Variants in MS4A13 observed in about 807,000 individuals in gnomAD.
MS4A13 encodes the protein membrane-spanning 4-domains subfamily A member 13.
In MS4A13, 21 loss-of-function variants were observed where a neutral mutation model predicts 18.4. That is an observed-to-expected ratio of 1.14 (90% confidence interval 0.81 to 1.64). The LOEUF (loss-of-function observed/expected upper bound fraction) is 1.64, where lower values mean the gene tolerates loss of function less well. Among genes scored for constraint, MS4A13 ranks in the 40% most tolerant of loss-of-function variants. MS4A13 has a pLI of 0.00. For missense variants in MS4A13, 173 were observed against 176.8 expected (o/e 0.98, Z 0.12); for synonymous variants, 62 against 57.2 (o/e 1.08, Z -0.38).
chr11:60,522,473 C>A (rs1213559639), intron 3 of MS4A13, among the ~76,000 whole-genome samples: 4 of 151,812 alleles, frequency 2.6e-5, no homozygotes, highest in East Asian at 1.9e-4. Flanking sequence ...GGTTGGATAG[C>A]AATAATGAGC....
At chr11:60,526,285 C>T (rs1254249817) in intron 5 of MS4A13, among the ~76,000 whole-genome samples, 2 of 152,128 alleles carry the variant, frequency 1.3e-5, no homozygotes, top group Non-Finnish European at 2.9e-5. Flanking sequence ...AGAAAATTGT[C>T]CAGTTGCCCT....
At chr11:60,542,260 A>C (rs1424201869) in intron 6 of MS4A13, among the ~76,000 whole-genome samples, 1 of 151,390 alleles carries the variant, frequency 6.6e-6, no homozygotes, top group African/African-American at 2.4e-5. Flanking sequence ...AAGAGAAAGA[A>C]AGAAAGAAAA....
intron 6 of MS4A13, among the ~76,000 whole-genome samples, chr11:60,531,851 T>G (rs2086769385): frequency 6.6e-6 from 1 of 152,188 alleles, no homozygotes; most frequent in Non-Finnish European, 1.5e-5. Flanking sequence ...TATAACTTCA[T>G]TGCCAGTTAA....
At chr11:60,533,338 G>A (rs1367308950) in intron 6 of MS4A13, among the ~76,000 whole-genome samples, 2 of 118,718 alleles carry the variant, frequency 1.7e-5, no homozygotes, top group Admixed American at 9.7e-5. Flanking sequence ...GGAGCTGATG[G>A]AGCTGAAAAC....
At chr11:60,539,891 C>T (rs891945774) in intron 6 of MS4A13, among the ~76,000 whole-genome samples, 3 of 152,242 alleles carry the variant, frequency 2.0e-5, no homozygotes, top group South Asian at 4.1e-4. Context: ...GAAATACAGA[C>T]ATACACAGAT....
At chr11:60,518,461 C>T (rs1242856086) in intron 3 of MS4A13, among the ~76,000 whole-genome samples, 2 of 152,006 alleles carry the variant, frequency 1.3e-5, no homozygotes, top group African/African-American at 4.8e-5. Context: ...GCAGTTTGTC[C>T]CTAGATATGT....
At chr11:60,522,514 G>A (rs1174394550) in intron 3 of MS4A13, among the ~76,000 whole-genome samples, 8 of 152,132 alleles carry the variant, frequency 5.3e-5, no homozygotes, top group Admixed American at 5.2e-4. Flanking sequence ...ACTTCGAACA[G>A]ATGGAATGAG....
intron 6 of MS4A13, among the ~76,000 whole-genome samples, chr11:60,532,474 A>G (rs915830564): frequency 6.6e-6 from 1 of 152,202 alleles, no homozygotes; most frequent in East Asian, 1.9e-4. Context: ...CGGCTCAAAA[A>G]ACGGCGCACC....
At chr11:60,531,079 C>T (rs1290290855) in intron 6 of MS4A13, among the ~76,000 whole-genome samples, 1 of 152,154 alleles carries the variant, frequency 6.6e-6, no homozygotes, top group African/African-American at 2.4e-5. Flanking sequence ...ACCCCACCCT[C>T]AGATTCCGTT....
At chr11:60,528,117 G>A (rs1017508514) in intron 5 of MS4A13, among the ~76,000 whole-genome samples, 3 of 152,056 alleles carry the variant, frequency 2.0e-5, no homozygotes, top group African/African-American at 7.2e-5. Context: ...CTTACACTCA[G>A]TTTTGTTCTC....
intron 5 of MS4A13, 135 bp from the exon 6 acceptor site, chr11:60,529,230 G>A (rs970460311): frequency 8.3e-6 from 4 of 481,584 alleles, no homozygotes; most frequent in Non-Finnish European, 1.4e-5. Flanking sequence ...AATGGTGAAA[G>A]GTTTATCTGT....
At chr11:60,522,218 A>C (rs1415735096) in intron 3 of MS4A13, among the ~76,000 whole-genome samples, 83 of 69,146 alleles carry the variant, frequency 1.2e-3, no homozygotes, top group African/African-American at 3.5e-3. Context: ...ATAGATAGAT[A>C]GATAGATAGA....
chr11:60,540,426 A>G (rs1294321561), intron 6 of MS4A13, among the ~76,000 whole-genome samples: 2 of 152,218 alleles, frequency 1.3e-5, no homozygotes, highest in Non-Finnish European at 2.9e-5. Context: ...GTTACATAAT[A>G]TATATAGATA....
At chr11:60,531,168 C>T (rs2086763644) in intron 6 of MS4A13, among the ~76,000 whole-genome samples, 1 of 152,114 alleles carries the variant, frequency 6.6e-6, no homozygotes, top group East Asian at 1.9e-4. Flanking sequence ...TTATTTGGAA[C>T]AGAGCTCAGA....
intron 6 of MS4A13, among the ~76,000 whole-genome samples, chr11:60,531,204 A>G (rs1374120835): frequency 1.3e-5 from 2 of 152,148 alleles, no homozygotes; most frequent in African/African-American, 4.8e-5. Flanking sequence ...AAGCGTTATT[A>G]AAACAACAGT....
At position 60,529,326 on chromosome 11, in the gene MS4A13, A is replaced by G. The variant is rs201739219; in HGVS notation, c.307-39A>G. ...ATGATCATGTTTGCACTCACTAAAG[A>G]TAATAGCATTAAGATTTCTCCCTGT... On this transcript the variant is annotated intron_variant, in intron 5 of 6. Transcript: ENST00000378186. 3.4e-6 allele frequency: 4 copies of G among 1,189,634 alleles called. No individual in the cohort carries two copies. In the East Asian group the frequency reaches 7.4e-5, roughly 22 times the overall value. The allele number at this position is 1,189,634 out of a possible 1,614,324, so 73.7% of individuals were successfully genotyped here. A position where few individuals can be genotyped will look rare whatever the true frequency, so the allele number is the denominator to read the frequency against.
In MS4A13 at chr11:60,532,479, C is replaced by T. The variant is rs1392093980; in HGVS notation, c.402+3019C>T. 3.9e-5 allele frequency among the ~76,000 whole-genome samples: 6 copies of T among 152,200 alleles called. No homozygotes were observed. The South Asian group carries it at 8.3e-4, about 21-fold the overall frequency. On this transcript the variant is annotated intron_variant, in intron 6 of 6. Transcript: ENST00000378186. ...CTTTTCAGACCGGCTCAAAAAACGG[C>T]GCACCAGGAGACTATATCCCACACC...
chr11:60,527,410 C>CTGTGTGTGTGTG (rs1224398821), intron 5 of MS4A13, among the ~76,000 whole-genome samples: 664 of 28,780 alleles, frequency 0.023, 29 homozygotes, highest in East Asian at 0.038. Flanking sequence ...CTCTCTCTCT[C>CTGTGTGTGTGTG]TGTGTGTGTG....
intron 2 of MS4A13, among the ~76,000 whole-genome samples, chr11:60,516,560 T>C (rs2086638802): frequency 6.6e-6 from 1 of 152,242 alleles, no homozygotes; most frequent in South Asian, 2.1e-4. Context: ...CCTATACGAC[T>C]GTTCAGCAGA....
Sources: gnomAD v4.1 joint callset for allele counts (sites outside exome capture counted in the v4.1 genomes callset) on GRCh38, gnomAD v4.1.1 for gene constraint, MANE v1.5 for transcripts, NCBI Gene and HGNC (gene_info 2026-07-23, HGNC 2026-07-21) for gene names.